HNF1B: variants seen among roughly 807,000 people sequenced by gnomAD.
HNF1B encodes HNF1 homeobox B, also known as hepatocyte nuclear factor 1-beta.
HNF1B carries 8 observed loss-of-function variants against 61.7 expected under a neutral mutation model. The observed-to-expected ratio is 0.13, with a 90% CI of 0.08 to 0.23. The LOEUF (loss-of-function observed/expected upper bound fraction) is 0.23, where lower values mean the gene tolerates loss of function less well. Ranked by LOEUF, HNF1B falls within the 10% of genes least tolerant of loss-of-function variation. The pLI, the probability that HNF1B is intolerant of heterozygous loss-of-function variation, is 1.00. For missense variants in HNF1B, 562 were observed against 714.5 expected, an observed-to-expected ratio of 0.79 and a Z score of 2.43; for synonymous variants, 314 against 287.7, an observed-to-expected ratio of 1.09 and a Z score of -0.93.
chr17:37,737,101 T>C (rs2033854327), intron 2 of HNF1B, among the ~76,000 whole-genome samples: 1 of 152,206 alleles, frequency 6.6e-6, no homozygotes, highest in Non-Finnish European at 1.5e-5. Flanking sequence ...TTTTAGTTTT[T>C]CCAGGAAATT....
chr17:37,705,877 T>A (rs2032729475), intron 5 of HNF1B, among the ~76,000 whole-genome samples: 1 of 152,204 alleles, frequency 6.6e-6, no homozygotes, highest in Admixed American at 6.5e-5. Context: ...TAACTCTAAT[T>A]GTAATTATAA....
rs1363747629 is a variant in HNF1B, at chr17:37,694,451, C to A, written c.1653+4625G>T. On this transcript the variant is annotated intron_variant, in intron 8 of 8. Transcript: ENST00000617811. ...CCCCGCCCCGCCGCCCCCCCCCCCC[C>A]CCGCAAAAAAAAAAGATACTTGAAG... Among the ~76,000 whole-genome samples the A allele has an allele frequency of 5.0e-5, 4 of 79,730 alleles. 1 individual carries two copies. Among genetic ancestry groups the A allele is most frequent in the Non-Finnish European group, 9.6e-5 (3 of 31,368 alleles). 52.3% of individuals were successfully genotyped at this position (79,730 alleles called of 152,430 possible). A position where few individuals can be genotyped will look rare whatever the true frequency, so the allele number is the denominator to read the frequency against.
At chr17:37,689,108 G>A (rs1277309930) in intron 8 of HNF1B, among the ~76,000 whole-genome samples, 1 of 138,872 alleles carries the variant, frequency 7.2e-6, no homozygotes, top group Non-Finnish European at 1.5e-5. Context: ...TTATGCTACT[G>A]CACTCCAGCC....
intron 1 of HNF1B, among the ~76,000 whole-genome samples, chr17:37,743,408 A>C (rs1027920511): frequency 1.3e-5 from 2 of 152,212 alleles, no homozygotes; most frequent in Admixed American, 6.5e-5. Context: ...CAAACCTATG[A>C]ATTATACCAA....
At chr17:37,704,822 T>C (rs2032686387) in intron 6 of HNF1B, 95 bp downstream of exon 6, 1 of 1,407,260 alleles carries the variant, frequency 7.1e-7, no homozygotes, top group South Asian at 1.2e-5. Flanking sequence ...GTGGGTGAGT[T>C]TGAAGGAGAC....
intron 4 of HNF1B, among the ~76,000 whole-genome samples, chr17:37,712,332 G>A (rs550741393): frequency 5.2e-4 from 79 of 152,242 alleles, no homozygotes; most frequent in South Asian, 1.0e-3. Flanking sequence ...GAGGAACAGC[G>A]TTCAGCTCCC....
intron 8 of HNF1B, among the ~76,000 whole-genome samples, chr17:37,693,325 C>A (rs1478686125): frequency 6.6e-6 from 1 of 151,786 alleles, no homozygotes; most frequent in Non-Finnish European, 1.5e-5. Flanking sequence ...TTCTGTTAGG[C>A]ACATTGAATA....
intron 2 of HNF1B, among the ~76,000 whole-genome samples, chr17:37,739,103 G>A (rs2033915935): frequency 6.6e-6 from 1 of 152,210 alleles, no homozygotes; most frequent in Admixed American, 6.5e-5. Flanking sequence ...AAGGGGAGAT[G>A]CTGGGTTTTC....
At position 37,727,454 on chromosome 17, in the gene HNF1B, C is replaced by T. The variant is rs1474629104; in HGVS notation, c.1045+4141G>A. ...GTGACACTCCCTGGAAAGATGAAGG[C>T]CCAGCAGCGGCAGCCAGGCTGGTTC... On this transcript the variant is annotated intron_variant, in intron 4 of 8. Transcript: ENST00000617811. Among the ~76,000 whole-genome samples the T allele has an allele frequency of 2.0e-5, 3 of 152,318 alleles. No individual in the cohort carries two copies. The East Asian group carries it at 5.8e-4, about 29-fold the overall frequency.
intron 8 of HNF1B, 36 bp from the exon 9 acceptor site, chr17:37,687,428 T>A (rs2032014812): frequency 2.0e-6 from 3 of 1,536,268 alleles, no homozygotes; most frequent in Non-Finnish European, 2.7e-6. Context: ...CTCAGCTGTG[T>A]CATTTGGCAG....
At chr17:37,690,464 C>T (rs1022201142) in intron 8 of HNF1B, among the ~76,000 whole-genome samples, 1 of 152,154 alleles carries the variant, frequency 6.6e-6, no homozygotes, top group Non-Finnish European at 1.5e-5. Context: ...CGAACAGCCC[C>T]CAGTGGGGCA....
chr17:37,724,877 T>A (rs1004042382), intron 4 of HNF1B, among the ~76,000 whole-genome samples: 1 of 151,366 alleles, frequency 6.6e-6, no homozygotes, highest in Non-Finnish European at 1.5e-5. Context: ...TGCATTCCTT[T>A]TATATATATA....
chr17:37,740,635 T>C (rs1313882975), intron 1 of HNF1B, among the ~76,000 whole-genome samples: 2 of 150,182 alleles, frequency 1.3e-5, no homozygotes, highest in East Asian at 1.9e-4. Flanking sequence ...AGGCAAGTAG[T>C]TAAAAAAAAA....
chr17:37,688,787 C>T (rs1456915636), intron 8 of HNF1B, among the ~76,000 whole-genome samples: 2 of 152,122 alleles, frequency 1.3e-5, no homozygotes, highest in Non-Finnish European at 2.9e-5. Context: ...TGGTCCTTGG[C>T]ACAATTGTTA....
intron 8 of HNF1B, among the ~76,000 whole-genome samples, chr17:37,690,645 A>G (rs1325045594): frequency 6.6e-6 from 1 of 152,140 alleles, no homozygotes; most frequent in Non-Finnish European, 1.5e-5. Context: ...TGATGTGGAG[A>G]GAAGAATCAG....
chr17:37,696,681 G>T (rs920764364), intron 8 of HNF1B, among the ~76,000 whole-genome samples: 28 of 152,158 alleles, frequency 1.8e-4, no homozygotes, highest in African/African-American at 6.3e-4. Context: ...GAAGCAAACA[G>T]ACATCGCTAT....
intron 4 of HNF1B, among the ~76,000 whole-genome samples, chr17:37,716,851 TCTCTCTCTC>T (rs2033136392): frequency 1.9e-5 from 1 of 53,810 alleles, no homozygotes; most frequent in South Asian, 6.8e-4. Context: ...AATCTCTCTC[TCTCTCTCTC>T]TCTCTCTCTC....
chr17:37,734,532 T>C (rs1178539670), intron 2 of HNF1B, among the ~76,000 whole-genome samples: 1 of 152,214 alleles, frequency 6.6e-6, no homozygotes, highest in Non-Finnish European at 1.5e-5. Context: ...GAGATTTTTG[T>C]GGAATGAATG....
In HNF1B at chr17:37,710,539, G is replaced by A. The variant is rs764722324; in HGVS notation, c.1170C>T (p.Asp390=). Residue 390 remains aspartate (D), a synonymous_variant, in exon 5 of 9, where the codon GAC becomes GAT. Transcript: ENST00000617811. The part of the protein sequence containing the change: ...VLQQVSPASL[D]PGHNLLSPDG... ...CAGGTGAGAGGAGATTGTGGCCTGG[G>A]TCCAGGCTGGCTGGGGAGACTTGCT... 6.2e-7 allele frequency: 1 copy of A among 1,614,206 alleles called. No homozygotes were observed. Among genetic ancestry groups the A allele is most frequent in the Admixed American group, 1.7e-5 (1 of 60,022 alleles).
Sources: allele counts gnomAD v4.1 joint callset (sites outside exome capture counted in the v4.1 genomes callset), GRCh38; gene constraint gnomAD v4.1.1; transcripts MANE v1.5; gene names NCBI Gene and HGNC (gene_info 2026-07-23, HGNC 2026-07-21).